Variants in SIN3A observed in about 807,000 individuals in gnomAD.
SIN3A encodes paired amphipathic helix protein Sin3a.
A neutral mutation model predicts 146.1 loss-of-function variants in SIN3A; 14 were observed. The observed-to-expected ratio is 0.10, with a 90% CI of 0.06 to 0.15. The LOEUF is 0.15. Ranked by LOEUF, SIN3A falls within the 10% of genes least tolerant of loss-of-function variation. SIN3A has a pLI of 1.00. For missense variants in SIN3A, 1,028 were observed against 1,576.0 expected, an observed-to-expected ratio of 0.65 and a Z score of 5.89; for synonymous variants, 572 against 572.0, an observed-to-expected ratio of 1.00 and a Z score of 0.00.
intron 20 of SIN3A, among the ~76,000 whole-genome samples, chr15:75,375,209 TCAAA>T (rs758148389): frequency 1.1e-4 from 17 of 152,256 alleles, no homozygotes; most frequent in Non-Finnish European, 1.5e-4. Context: ...AGACTCTGTC[TCAAA>T]CAAACAAACA....
At chr15:75,378,120 T>C (rs1379359087) in intron 19 of SIN3A, among the ~76,000 whole-genome samples, 1 of 152,228 alleles carries the variant, frequency 6.6e-6, no homozygotes, top group African/African-American at 2.4e-5. Flanking sequence ...TAGGTGTGTA[T>C]AACTTATTTT....
chr15:75,436,014 C>T (rs2141592908), intron 1 of SIN3A, among the ~76,000 whole-genome samples: 1 of 151,560 alleles, frequency 6.6e-6, no homozygotes, highest in South Asian at 2.1e-4. Context: ...ATGGTACTAG[C>T]TACTCCAGTG....
chr15:75,422,584 C>A (rs756737356), intron 3 of SIN3A, 63 bp downstream of exon 3: 1 of 1,557,060 alleles, frequency 6.4e-7, no homozygotes, highest in East Asian at 2.2e-5. Context: ...AACCAACAAG[C>A]TGCAACCAGT....
At chr15:75,422,555 TTA>T (rs1281113788) in intron 3 of SIN3A, 90 bp downstream of exon 3, 2 of 1,372,890 alleles carry the variant, frequency 1.5e-6, no homozygotes, top group Admixed American at 1.7e-5. Context: ...GTATCTCAGG[TTA>T]GAAGTTGTAC....
chr15:75,418,748 C>T (rs1352603676), intron 3 of SIN3A, among the ~76,000 whole-genome samples: 3 of 151,414 alleles, frequency 2.0e-5, no homozygotes, highest in South Asian at 4.2e-4. Flanking sequence ...AGACAAATGG[C>T]CGCTTTTTTG....
chr15:75,413,379 C>A (rs2073679425), intron 4 of SIN3A, among the ~76,000 whole-genome samples: 1 of 152,136 alleles, frequency 6.6e-6, no homozygotes. Flanking sequence ...CCTTGGCCTC[C>A]CAAAGTGCTG....
intron 12 of SIN3A, 29 bp downstream of exon 12, chr15:75,400,011 C>T (rs889658949): frequency 1.5e-6 from 2 of 1,295,964 alleles, no homozygotes; most frequent in Non-Finnish European, 2.2e-6. Flanking sequence ...CCCATTTCCC[C>T]CAACTTCAAA....
At chr15:75,428,200 T>G (rs113789841) in intron 2 of SIN3A, among the ~76,000 whole-genome samples, 247 of 152,294 alleles carry the variant, frequency 1.6e-3, no homozygotes, top group African/African-American at 5.8e-3. Flanking sequence ...ATCCCTTTCA[T>G]AGGTACTTGA....
upstream of SIN3A, chr15:75,451,888 G>A (rs981299352): frequency 6.6e-6 from 1 of 151,882 alleles, no homozygotes; most frequent in Non-Finnish European, 1.5e-5. Flanking sequence ...TATTGGCGGG[G>A]AGCTTCCCTA....
chr15:75,386,624 A>G (rs1416299196), intron 16 of SIN3A, among the ~76,000 whole-genome samples: 5 of 152,212 alleles, frequency 3.3e-5, no homozygotes, highest in African/African-American at 1.2e-4. Context: ...AGGAGCCTGG[A>G]GCACATGCCG....
chr15:75,437,874 GGTGGGCACA>G (rs1160382751), intron 1 of SIN3A, among the ~76,000 whole-genome samples: 2 of 152,178 alleles, frequency 1.3e-5, no homozygotes, highest in Non-Finnish European at 2.9e-5. Flanking sequence ...AAGGTCACCT[GGTGGGCACA>G]GTGGCTTGCA....
Position 75,412,928 on chromosome 15 carries a change from A to T in SIN3A, c.591T>A (p.Asn197Lys). Reference sequence around the variant, plus strand: ...CAGGAGTTGTCACATTCACCATGTCATTGGTTTGCACCTCAATTTTGTAGC... The same window carrying T: ...CAGGAGTTGTCACATTCACCATGTCTTTGGTTTGCACCTCAATTTTGTAGC... ...PPGYKIEVQT[N>K]DMVNVTTPGQ... The change falls in exon 5 of 21, where the codon AAT (asparagine) becomes AAA (lysine). Residue 197 changes from asparagine to lysine, a missense_variant. Coordinates refer to ENST00000394947, the MANE Select transcript of SIN3A (RefSeq NM_001145358.2). The T allele has an allele frequency of 6.2e-7, 1 of 1,614,114 alleles. No individual in the cohort carries two copies. The highest frequency in any genetic ancestry group is 2.2e-5 in the East Asian group (1 of 44,880).
chr15:75,379,969 C>A (rs1318748852), intron 19 of SIN3A, among the ~76,000 whole-genome samples: 2 of 152,084 alleles, frequency 1.3e-5, no homozygotes, highest in Admixed American at 1.3e-4. Context: ...AATGTTCTAC[C>A]ATTCCTTAAC....
Position 75,430,234 on chromosome 15 carries a change from T to C in SIN3A, c.142A>G (p.Met48Val), listed in dbSNP as rs1034657421. 2.0e-5 allele frequency: 33 copies of C among 1,614,066 alleles called. No homozygotes were observed. The highest frequency in any genetic ancestry group is 2.7e-5 in the Non-Finnish European group (32 of 1,180,026). ...TACTGAATTCCCGTAGCTGACTGCA[T>C]GGTCTCAGACACTGCTTCATACACA... ...PPVYEAVSET[M>V]QSATGIQYSV... is the part of the protein sequence containing the mutation. The change falls in exon 2 of 21, where the codon ATG becomes GTG. Residue 48 changes from methionine to valine, a missense_variant. Met to Val is a conservative substitution (Grantham distance 21, BLOSUM62 1). Coordinates refer to ENST00000394947, the MANE Select transcript of SIN3A (RefSeq NM_001145358.2).
chr15:75,392,485 T>C lies in SIN3A; in HGVS notation c.2608A>G (p.Asn870Asp). The C allele has an allele frequency of 6.2e-7, 1 of 1,614,226 alleles. No homozygotes were observed. Among genetic ancestry groups the C allele is most frequent in the Non-Finnish European group, 8.5e-7 (1 of 1,180,044 alleles). The change falls in exon 15 of 21, where the codon AAC (asparagine) becomes GAC (aspartate). Residue 870 changes from asparagine to aspartate, a missense_variant. By Grantham distance (23) the Asn-to-Asp change is conservative (BLOSUM62 1). This residue lies in a region of SIN3A where 488 missense variants were observed against 690.2 expected (regional missense o/e 0.71). Coordinates refer to ENST00000394947, the MANE Select transcript of SIN3A (RefSeq NM_001145358.2). Reference sequence around the variant, plus strand: ...CCTCTTAATTTTTGAGCTGCTGTGTTACTAAACAGTAACTTGGACTTAGGG... The same window carrying C: ...CCTCTTAATTTTTGAGCTGCTGTGTCACTAAACAGTAACTTGGACTTAGGG... ...SPPKSKLLFS[N>D]TAAQKLRGMD...
At chr15:75,373,006 A>C (rs1033912597) in intron 20 of SIN3A, among the ~76,000 whole-genome samples, 3 of 152,130 alleles carry the variant, frequency 2.0e-5, no homozygotes, top group African/African-American at 7.2e-5. Flanking sequence ...AAAGGGCTTA[A>C]AACCACTCTC....
intron 11 of SIN3A, 118 bp from the exon 12 acceptor site, chr15:75,400,274 A>T: frequency 1.6e-6 from 1 of 623,760 alleles, no homozygotes. Flanking sequence ...ATTACTTCAC[A>T]AATTTCACCT....
intron 15 of SIN3A, among the ~76,000 whole-genome samples, chr15:75,391,473 A>C (rs1361529938): frequency 6.6e-6 from 1 of 151,602 alleles, no homozygotes; most frequent in African/African-American, 2.4e-5. Context: ...AGCTAGGGCC[A>C]TATCTGGGCT....
intron 1 of SIN3A, among the ~76,000 whole-genome samples, chr15:75,435,469 G>A (rs1025291476): frequency 2.6e-5 from 4 of 151,932 alleles, no homozygotes; most frequent in Non-Finnish European, 4.4e-5. Flanking sequence ...AGGCCGAGGC[G>A]GGTGGATCAC....
Sources: gnomAD v4.1 joint callset for allele counts (sites outside exome capture counted in the v4.1 genomes callset) on GRCh38, gnomAD v4.1.1 for gene constraint, gnomAD v4.1.1 regional missense constraint, MANE v1.5 for transcripts, NCBI Gene and HGNC (gene_info 2026-07-23, HGNC 2026-07-21) for gene names.